ZNF716: variants seen among roughly 807,000 people sequenced by gnomAD.
The protein encoded by ZNF716 is zinc finger protein 716.
A neutral mutation model predicts 13.4 loss-of-function variants in ZNF716; 9 were observed. That is an observed-to-expected ratio of 0.67 (90% CI 0.41 to 1.18). The LOEUF is 1.18. Ranked by LOEUF, ZNF716 falls within the 50% of genes most tolerant of loss-of-function variation. ZNF716 has a pLI of 0.01. For missense variants in ZNF716, 581 were observed against 576.6 expected (o/e 1.01, Z -0.08); for synonymous variants, 186 against 195.2 (o/e 0.95, Z 0.39).
Position 57,469,272 on chromosome 7 carries a change from T to C in ZNF716, c.811T>C (p.Cys271Arg). ...TCATACTGGAGAGAAACCTTACACATGTGAAGAACGTGGCAAAGTCTTTAG... is the reference window on the plus strand; with the variant it reads ...TCATACTGGAGAGAAACCTTACACACGTGAAGAACGTGGCAAAGTCTTTAG... ...RIHTGEKPYT[C>R]EERGKVFSRS... is the part of the protein sequence containing the mutation. The change falls in exon 4 of 4, where the codon TGT (cysteine) becomes CGT (arginine). Residue 271 changes from cysteine (C) to arginine (R), a missense_variant. Physicochemically the swap from Cys to Arg is radical, Grantham distance 180. Coordinates refer to ENST00000420713, the MANE Select transcript of ZNF716 (RefSeq NM_001159279.1). 2 of 1,590,690 alleles carry C rather than the reference T, an allele frequency of 1.3e-6. No homozygotes were observed. The highest frequency in any genetic ancestry group is 1.7e-6 in the Non-Finnish European group (2 of 1,166,732).
In ZNF716 at chr7:57,472,719, G is replaced by A. The variant is rs575506475; in HGVS notation, c.*2770G>A. 3 of 152,146 alleles carry A rather than the reference G, an allele frequency of 2.0e-5. No individual in the cohort carries two copies. Among genetic ancestry groups the A allele is most frequent in the Non-Finnish European group, 2.9e-5 (2 of 68,058 alleles). 9.4% of individuals were successfully genotyped at this position (152,146 alleles called of 1,614,324 possible). A position where few individuals can be genotyped will look rare whatever the true frequency, so the allele number is the denominator to read the frequency against. On this transcript the variant is annotated 3_prime_UTR_variant, in exon 4 of 4. Transcript: ENST00000420713. ...TGACCTCAGGTGATACACCCACCTC[G>A]GTGTACCGAAGTGCTGGGATTACAG...
At position 57,450,196 on chromosome 7, in the gene ZNF716, C is replaced by G; in HGVS notation, c.-93C>G. 6.3e-7 allele frequency: 1 copy of G among 1,585,068 alleles called. No homozygotes were observed. The highest frequency in any genetic ancestry group is 8.6e-7 in the Non-Finnish European group (1 of 1,160,418). On this transcript the variant is annotated 5_prime_UTR_variant, in exon 1 of 4. Transcript: ENST00000420713. The stretch of plus-strand genomic sequence containing the variant: ...CGGGTTCTTTTTGCTTCTCTGCGCC[C>G]AGAGCTCCAGTCCTTCTCTTCACTG...
At chr7:57,455,356 A>G (rs1216916544) in intron 1 of ZNF716, among the ~76,000 whole-genome samples, 1 of 152,212 alleles carries the variant, frequency 6.6e-6, no homozygotes, top group African/African-American at 2.4e-5. Context: ...TGGCCACTGA[A>G]GAAAAGTATT....
In ZNF716 at chr7:57,457,480, G is replaced by T. The variant is rs1411964787; in HGVS notation, c.40-4980G>T. 2.6e-5 allele frequency among the ~76,000 whole-genome samples: 4 copies of T among 152,242 alleles called. No homozygotes were observed. In the East Asian group the frequency reaches 7.7e-4, roughly 29 times the overall value. On this transcript the variant is annotated intron_variant, in intron 1 of 3. Transcript: ENST00000420713. The stretch of plus-strand genomic sequence containing the variant: ...CTGCCTCAGCCTCTTGAGTAGCTGG[G>T]ATTACAGGTGTGTGCCACCACATCC...
chr7:57,464,115 C>CTTTTTTT (rs782745508), intron 3 of ZNF716, among the ~76,000 whole-genome samples: 1,171 of 109,424 alleles, frequency 0.011, 119 homozygotes, highest in East Asian at 0.019. Context: ...TTGTCCATTT[C>CTTTTTTT]TTTTTTCTTT....
At chr7:57,451,336 A>C (rs1789489396) in intron 1 of ZNF716, among the ~76,000 whole-genome samples, 1 of 150,674 alleles carries the variant, frequency 6.6e-6, no homozygotes, top group East Asian at 2.0e-4. Context: ...CATTTGAGAT[A>C]GATTTTTTTT....
rs2116427958 is a variant in ZNF716, at chr7:57,470,093, G to A, written c.*144G>A. 2.5e-6 allele frequency: 2 copies of A among 791,228 alleles called. No homozygotes were observed. 49.0% of individuals were successfully genotyped at this position (791,228 alleles called of 1,614,324 possible). A position where few individuals can be genotyped will look rare whatever the true frequency, so the allele number is the denominator to read the frequency against. On this transcript the variant is annotated 3_prime_UTR_variant, in exon 4 of 4. Coordinates refer to ENST00000420713, the MANE Select transcript of ZNF716 (RefSeq NM_001159279.1). ...ATAAGATAATTCATATTGGACAAAAGTCTTATAAATGTAAAAAAAAAAGTA... is the reference window on the plus strand; with the variant it reads ...ATAAGATAATTCATATTGGACAAAAATCTTATAAATGTAAAAAAAAAAGTA...
chr7:57,464,845 T>C (rs1280650545), intron 3 of ZNF716, among the ~76,000 whole-genome samples: 3 of 152,236 alleles, frequency 2.0e-5, no homozygotes, highest in African/African-American at 7.2e-5. Flanking sequence ...TTTTCTGCAT[T>C]GTCTGCTCAT....
chr7:57,470,140 A>C lies in ZNF716; in HGVS notation c.*191A>C. 1.8e-6 allele frequency: 1 copy of C among 556,570 alleles called. No homozygotes were observed. The highest frequency in any genetic ancestry group is 2.9e-6 in the Non-Finnish European group (1 of 347,792). The allele number at this position is 556,570 out of a possible 1,614,324, so 34.5% of individuals were successfully genotyped here. ...AGTAACAGCCTTTAACCACCCCTCA[A>C]ACCTTAATGAACCCAAGAGAATTTA... On this transcript the variant is annotated 3_prime_UTR_variant, in exon 4 of 4. Coordinates refer to ENST00000420713, the MANE Select transcript of ZNF716 (RefSeq NM_001159279.1).
Position 57,470,509 on chromosome 7 carries a change from A to G in ZNF716, c.*560A>G, listed in dbSNP as rs1400542445. ...TTAAGCACATCTCAGGCCTTACACAATATCAGATAATTCATTCTAGAGACA... is the reference window on the plus strand; with the variant it reads ...TTAAGCACATCTCAGGCCTTACACAGTATCAGATAATTCATTCTAGAGACA... On this transcript the variant is annotated 3_prime_UTR_variant, in exon 4 of 4. Transcript: ENST00000420713. 6.5e-6 allele frequency: 1 copy of G among 153,176 alleles called. No homozygotes were observed. The highest frequency in any genetic ancestry group is 6.5e-5 in the Admixed American group (1 of 15,312). 9.5% of individuals were successfully genotyped at this position (153,176 alleles called of 1,614,324 possible). A position where few individuals can be genotyped will look rare whatever the true frequency, so the allele number is the denominator to read the frequency against.
Position 57,469,050 on chromosome 7 carries a change from C to T in ZNF716, c.589C>T (p.Leu197Phe). ...AAACGATGGCAAATCATTTTGCATGCTTTCACGCCTAAATCAACATCAGAT... is the reference window on the plus strand; with the variant it reads ...AAACGATGGCAAATCATTTTGCATGTTTTCACGCCTAAATCAACATCAGAT... ...CKNDGKSFCMLSRLNQHQIIH... is the reference protein window; with the variant it reads ...CKNDGKSFCMFSRLNQHQIIH... The change falls in exon 4 of 4, where the codon CTT (leucine) becomes TTT (phenylalanine). Residue 197 changes from leucine to phenylalanine, a missense_variant. Transcript: ENST00000420713. The T allele has an allele frequency of 6.2e-7, 1 of 1,606,974 alleles. No individual in the cohort carries two copies. Among genetic ancestry groups the T allele is most frequent in the Non-Finnish European group, 8.5e-7 (1 of 1,176,030 alleles).
intron 3 of ZNF716, among the ~76,000 whole-genome samples, chr7:57,468,223 G>A (rs566429440): frequency 6.6e-6 from 1 of 152,202 alleles, no homozygotes; most frequent in South Asian, 2.1e-4. Flanking sequence ...CCATGGTACA[G>A]CAGTCTTTCT....
chr7:57,450,440 C>G, intron 1 of ZNF716, 113 bp downstream of exon 1: 3 of 1,572,408 alleles, frequency 1.9e-6, no homozygotes, highest in Non-Finnish European at 2.6e-6. Flanking sequence ...GTCTGAGGAC[C>G]CAAATCCTCC....
chr7:57,452,478 T>C (rs1198402973), intron 1 of ZNF716, among the ~76,000 whole-genome samples: 2 of 135,950 alleles, frequency 1.5e-5, no homozygotes, highest in Non-Finnish European at 3.2e-5. Flanking sequence ...CTACTAAAAA[T>C]GCAAAAAAAA....
chr7:57,471,884 AAAG>A lies in ZNF716; in HGVS notation c.*1939_*1941del, dbSNP rs1789944776. ...GATATAAATCTAACAATATAAATTT[AAAG>A]AAGTAGATTTATTTGGAGATTTATA... is the stretch of plus-strand genomic sequence containing the variant. On this transcript the variant is annotated 3_prime_UTR_variant, in exon 4 of 4. Transcript: ENST00000420713. The A allele has an allele frequency of 6.6e-6, 1 of 152,218 alleles. No homozygotes were observed. Among genetic ancestry groups the A allele is most frequent in the Non-Finnish European group, 1.5e-5 (1 of 68,034 alleles). 9.4% of individuals were successfully genotyped at this position (152,218 alleles called of 1,614,324 possible). A position where few individuals can be genotyped will look rare whatever the true frequency, so the allele number is the denominator to read the frequency against.
At chr7:57,457,325 T>G (rs1270701211) in intron 1 of ZNF716, among the ~76,000 whole-genome samples, 1 of 151,976 alleles carries the variant, frequency 6.6e-6, no homozygotes, top group Non-Finnish European at 1.5e-5. Flanking sequence ...ACCACTTACC[T>G]TGCACCCTTT....
chr7:57,467,143 A>C (rs1356600147), intron 3 of ZNF716, among the ~76,000 whole-genome samples: 1 of 152,114 alleles, frequency 6.6e-6, no homozygotes, highest in Non-Finnish European at 1.5e-5. Context: ...TCAGTTGCAT[A>C]GAAAAATTTA....
In ZNF716 at chr7:57,468,821, G is replaced by A. The variant is rs782446505; in HGVS notation, c.360G>A (p.Gln120=). 2.5e-6 allele frequency: 4 copies of A among 1,613,604 alleles called. No homozygotes were observed. In the African/African-American group the frequency reaches 4.0e-5, roughly 16 times the overall value. Residue 120 remains glutamine (Q), a synonymous_variant, in exon 4 of 4, where the codon CAG becomes CAA. Coordinates refer to ENST00000420713, the MANE Select transcript of ZNF716 (RefSeq NM_001159279.1). ...TGAGAAGATATGGAAAATGTGGACA[G>A]GAGGATTTACAAGTAAAAAAATGCT... ...VILRRYGKCG[Q]EDLQVKKCCK... is the part of the protein sequence containing the mutation.
At chr7:57,461,647 G>T (rs1485833981) in intron 1 of ZNF716, among the ~76,000 whole-genome samples, 4 of 152,092 alleles carry the variant, frequency 2.6e-5, no homozygotes, top group Non-Finnish European at 5.9e-5. Context: ...TTTACTAGAT[G>T]TTTGACAAAC....
Sources: allele counts gnomAD v4.1 joint callset (sites outside exome capture counted in the v4.1 genomes callset), GRCh38; gene constraint gnomAD v4.1.1; transcripts MANE v1.5; gene names NCBI Gene and HGNC (gene_info 2026-07-23, HGNC 2026-07-21).